TEC: variants seen among roughly 807,000 people sequenced by gnomAD.
TEC encodes tec protein tyrosine kinase.
Under a neutral mutation model 93.0 loss-of-function variants are expected in TEC, and 72 were observed. The observed-to-expected ratio is 0.77, with a 90% CI of 0.64 to 0.94. The LOEUF is 0.94. TEC is among the 40% of genes least tolerant of loss of function. TEC has a pLI of 0.00. For synonymous variants in TEC, 249 were observed against 247.7 expected, an observed-to-expected ratio of 1.01 and a Z score of -0.05; for missense variants, 630 against 757.9, an observed-to-expected ratio of 0.83 and a Z score of 1.98.
chr4:48,232,671 C>T (rs1307845623), intron 1 of TEC, among the ~76,000 whole-genome samples: 3 of 152,214 alleles, frequency 2.0e-5, no homozygotes, highest in South Asian at 2.1e-4. Context: ...ATGCACACTT[C>T]ACATTGGCTC....
intron 2 of TEC, among the ~76,000 whole-genome samples, chr4:48,193,198 A>G (rs1012205392): frequency 3.3e-5 from 5 of 149,562 alleles, no homozygotes; most frequent in Admixed American, 6.7e-5. Flanking sequence ...TTCTTGCTAC[A>G]TTGCCCAGAC....
intron 2 of TEC, among the ~76,000 whole-genome samples, chr4:48,205,106 A>T (rs1351262937): frequency 6.6e-6 from 1 of 152,208 alleles, no homozygotes; most frequent in Non-Finnish European, 1.5e-5. Flanking sequence ...TTCTCTGAAA[A>T]CTAAGATAAT....
At chr4:48,201,677 G>A (rs527920400) in intron 2 of TEC, among the ~76,000 whole-genome samples, 1 of 152,330 alleles carries the variant, frequency 6.6e-6, no homozygotes, top group East Asian at 1.9e-4. Context: ...CGGGCTCTCA[G>A]AGGAGCATGA....
chr4:48,262,613 C>T (rs1724526783), intron 1 of TEC, among the ~76,000 whole-genome samples: 1 of 152,108 alleles, frequency 6.6e-6, no homozygotes, highest in Admixed American at 6.5e-5. Flanking sequence ...TGTGAAGACC[C>T]AGTACATTAC....
At chr4:48,253,023 T>C (rs1724247749) in intron 1 of TEC, among the ~76,000 whole-genome samples, 1 of 152,204 alleles carries the variant, frequency 6.6e-6, no homozygotes, top group East Asian at 1.9e-4. Flanking sequence ...TCATATAGAA[T>C]GCAGCGCTTC....
chr4:48,238,215 A>G (rs1292602239), intron 1 of TEC, among the ~76,000 whole-genome samples: 1 of 152,214 alleles, frequency 6.6e-6, no homozygotes, highest in East Asian at 1.9e-4. Flanking sequence ...TCGTGCTCAG[A>G]AGGAAGTAAC....
intron 14 of TEC, 141 bp downstream of exon 14, chr4:48,144,929 ACAGGGCAAG>A: frequency 1.5e-6 from 1 of 664,392 alleles, no homozygotes. Context: ...GTTTAAAATT[ACAGGGCAAG>A]TTAAATTTAC....
intron 15 of TEC, among the ~76,000 whole-genome samples, chr4:48,140,484 ACC>A (rs1719613198): frequency 6.6e-6 from 1 of 151,976 alleles, no homozygotes; most frequent in South Asian, 2.1e-4. Flanking sequence ...ATTCAGCACC[ACC>A]CCAAATTATC....
intron 1 of TEC, among the ~76,000 whole-genome samples, chr4:48,250,300 G>A (rs1009697263): frequency 6.6e-6 from 1 of 152,042 alleles, no homozygotes; most frequent in African/African-American, 2.4e-5. Context: ...ATGTTCTTTG[G>A]ACTGTACCCC....
chr4:48,267,478 C>T (rs1724668859), intron 1 of TEC, among the ~76,000 whole-genome samples: 1 of 152,126 alleles, frequency 6.6e-6, no homozygotes, highest in South Asian at 2.1e-4. Context: ...TTCCACAAAC[C>T]TTTTATAATA....
chr4:48,218,243 A>G (rs1723142578), intron 2 of TEC, among the ~76,000 whole-genome samples: 1 of 152,248 alleles, frequency 6.6e-6, no homozygotes. Context: ...TCAAGGCATA[A>G]TATAGTTGAG....
At chr4:48,141,308 C>T (rs749349759) in intron 15 of TEC, 47 bp downstream of exon 15, 9 of 1,541,636 alleles carry the variant, frequency 5.8e-6, no homozygotes, top group Non-Finnish European at 8.1e-6. Context: ...ATTAATTCCA[C>T]CAAAAAAATG....
At chr4:48,221,669 A>T (rs1207110593) in intron 2 of TEC, among the ~76,000 whole-genome samples, 4 of 152,118 alleles carry the variant, frequency 2.6e-5, no homozygotes, top group African/African-American at 9.7e-5. Flanking sequence ...AGGCTTCACT[A>T]CGTAGGCATG....
rs772313916 is a variant in TEC at position 48,146,288 on chromosome 4, G to C, written c.1081+37C>G. On this transcript the variant is annotated intron_variant, in intron 12 of 17. Transcript: ENST00000381501. Reference sequence around the variant, plus strand: ...TCTTATGACAATGGATTCTTTTCAAGGAAAATTAGCTCATGCAACCACAAA... The same window carrying C: ...TCTTATGACAATGGATTCTTTTCAACGAAAATTAGCTCATGCAACCACAAA... The C allele has an allele frequency of 5.0e-6, 8 of 1,589,538 alleles. No individual in the cohort carries two copies. The East Asian group carries it at 1.8e-4, about 36-fold the overall frequency.
At chr4:48,237,278 C>T (rs1177592395) in intron 1 of TEC, among the ~76,000 whole-genome samples, 3 of 147,914 alleles carry the variant, frequency 2.0e-5, no homozygotes, top group Non-Finnish European at 3.0e-5. Flanking sequence ...CAAGATCGTG[C>T]GACTGCACTT....
At chr4:48,247,394 C>T (rs1341492930) in intron 1 of TEC, among the ~76,000 whole-genome samples, 1 of 152,144 alleles carries the variant, frequency 6.6e-6, no homozygotes, top group Non-Finnish European at 1.5e-5. Context: ...TAGGTATATA[C>T]CCAACAGAAT....
chr4:48,163,117 C>T (rs1390822943), intron 8 of TEC, among the ~76,000 whole-genome samples: 4 of 151,998 alleles, frequency 2.6e-5, no homozygotes, highest in African/African-American at 9.7e-5. Flanking sequence ...TGCCATCTGC[C>T]TGGTTATGTC....
At chr4:48,174,679 A>G (rs986444145) in intron 3 of TEC, among the ~76,000 whole-genome samples, 2 of 150,962 alleles carry the variant, frequency 1.3e-5, no homozygotes, top group East Asian at 3.9e-4. Context: ...AAAAAAAAGA[A>G]GTGTGGTAGG....
rs541248899 is a variant in TEC, at chr4:48,145,115, C to T, written c.1434G>A (p.Glu478=). The stretch of plus-strand genomic sequence containing the variant: ...GGATGAAGCTGTTTCTCTCCAGATA[C>T]TCCATCCCTTCACACACATCCTGAC... ...SMCQDVCEGM[E]YLERNSFIHR... is the part of the protein sequence containing the mutation. Residue 478 remains glutamate (E), a synonymous_variant, in exon 14 of 18, where the codon GAG becomes GAA. Coordinates refer to ENST00000381501, the MANE Select transcript of TEC (RefSeq NM_003215.3). 6.2e-7 allele frequency: 1 copy of T among 1,613,964 alleles called. No homozygotes were observed. The highest frequency in any genetic ancestry group is 1.1e-5 in the South Asian group (1 of 91,070).
Sources: gnomAD v4.1 joint callset for allele counts (sites outside exome capture counted in the v4.1 genomes callset) on GRCh38, gnomAD v4.1.1 for gene constraint, MANE v1.5 for transcripts, NCBI Gene and HGNC (gene_info 2026-07-23, HGNC 2026-07-21) for gene names.